FRMD4A: variants seen among roughly 807,000 people sequenced by gnomAD.
FRMD4A encodes the protein FERM domain containing 4A, also known as FERM domain-containing protein 4A.
A neutral mutation model predicts 129.1 loss-of-function variants in FRMD4A; 29 were observed. The observed-to-expected ratio is 0.22, with a 90% confidence interval of 0.17 to 0.31. The LOEUF (loss-of-function observed/expected upper bound fraction) is 0.31. FRMD4A is among the 10% of genes least tolerant of loss of function. The probability of loss-of-function intolerance (pLI) is 1.00; values close to 1 mark genes in which losing one functional copy is unlikely to be tolerated. For missense variants in FRMD4A, 1,272 were observed against 1,375.8 expected, an observed-to-expected ratio of 0.92 and a Z score of 1.19; for synonymous variants, 634 against 571.6, an observed-to-expected ratio of 1.11 and a Z score of -1.56.
intron 19 of FRMD4A, among the ~76,000 whole-genome samples, chr10:13,662,972 A>G (rs1362491048): frequency 6.6e-6 from 1 of 152,028 alleles, no homozygotes; most frequent in Non-Finnish European, 1.5e-5. Context: ...GCACTTTGGG[A>G]GGCCGAGGTG....
intron 2 of FRMD4A, among the ~76,000 whole-genome samples, chr10:14,186,238 C>A (rs1013234143): frequency 6.6e-6 from 1 of 152,108 alleles, no homozygotes; most frequent in African/African-American, 2.4e-5. Context: ...ATCAATATGA[C>A]CAACCAGAGC....
At chr10:14,039,368 G>GTCCGTCCATCCATCCATCCA (rs554051462) in intron 2 of FRMD4A, among the ~76,000 whole-genome samples, 2 of 109,440 alleles carry the variant, frequency 1.8e-5, no homozygotes, top group African/African-American at 4.5e-5. Flanking sequence ...CTGTCCGTCC[G>GTCCGTCCATCCATCCATCCA]TCCATCCATC....
chr10:13,985,074 C>CTGG (rs2095576162), intron 2 of FRMD4A, among the ~76,000 whole-genome samples: 1 of 152,234 alleles, frequency 6.6e-6, no homozygotes, highest in African/African-American at 2.4e-5. Flanking sequence ...ATGAGCCCTG[C>CTGG]TGGTGTGGGC....
chr10:14,012,761 G>A (rs545634002), intron 2 of FRMD4A, among the ~76,000 whole-genome samples: 3 of 152,216 alleles, frequency 2.0e-5, no homozygotes, highest in Non-Finnish European at 2.9e-5. Context: ...CTGATGAGCC[G>A]GCCTCAACTA....
chr10:13,884,208 TCACACACACACACACACA>T (rs747364370), intron 2 of FRMD4A, among the ~76,000 whole-genome samples: 2 of 81,700 alleles, frequency 2.4e-5, no homozygotes, highest in African/African-American at 4.8e-5. Flanking sequence ...ACACACACAC[TCACACACACACACACACA>T]CACACACACA....
chr10:13,975,230 T>C (rs1353643855), intron 2 of FRMD4A, among the ~76,000 whole-genome samples: 1 of 151,868 alleles, frequency 6.6e-6, no homozygotes. Flanking sequence ...TGTGTGTATG[T>C]GTGTGTGTGC....
intron 2 of FRMD4A, among the ~76,000 whole-genome samples, chr10:14,218,894 G>C (rs1307728516): frequency 7.4e-6 from 1 of 134,686 alleles, no homozygotes; most frequent in Non-Finnish European, 1.5e-5. Context: ...GCCAGAGGTT[G>C]CAGTGAGCCG....
chr10:13,655,996 G>A (rs1314198723), intron 22 of FRMD4A: 1 of 151,984 alleles, frequency 6.6e-6, no homozygotes, highest in Admixed American at 6.6e-5. Context: ...TCTTGAGTAT[G>A]AGAATATAAG....
intron 3 of FRMD4A, among the ~76,000 whole-genome samples, chr10:13,853,844 A>AAAAAAAAAAAAAAAAAAAAAAG (rs1554939982): frequency 6.8e-6 from 1 of 146,486 alleles, no homozygotes; most frequent in Non-Finnish European, 1.5e-5. Flanking sequence ...AAAAAAAAAA[A>AAAAAAAAAAAAAAAAAAAAAAG]AAAAAAAAAC....
chr10:13,935,446 CAAAAAAAAAAA>C (rs71388135), intron 2 of FRMD4A, among the ~76,000 whole-genome samples: 6 of 36,422 alleles, frequency 1.6e-4, no homozygotes, highest in African/African-American at 4.7e-4. Context: ...AACTCCATCT[CAAAAAAAAAAA>C]AAAAAAAAAA....
chr10:14,096,204 G>A (rs1167781269), intron 2 of FRMD4A, among the ~76,000 whole-genome samples: 1 of 152,140 alleles, frequency 6.6e-6, no homozygotes, highest in Non-Finnish European at 1.5e-5. Context: ...AAAACAGGCT[G>A]GAGGGAACCT....
At chr10:14,021,715 G>C (rs1588797362) in intron 2 of FRMD4A, among the ~76,000 whole-genome samples, 1 of 152,126 alleles carries the variant, frequency 6.6e-6, no homozygotes, top group South Asian at 2.1e-4. Flanking sequence ...TCTGGGTGGT[G>C]GTTACACAGG....
At chr10:14,200,421 G>C (rs1842602125) in intron 2 of FRMD4A, among the ~76,000 whole-genome samples, 1 of 138,964 alleles carries the variant, frequency 7.2e-6, no homozygotes, top group Admixed American at 6.8e-5. Flanking sequence ...TGTCTCCAGA[G>C]TAGCTGGGAC....
At chr10:13,907,322 A>G (rs879102206) in intron 2 of FRMD4A, among the ~76,000 whole-genome samples, 1 of 152,164 alleles carries the variant, frequency 6.6e-6, no homozygotes, top group Admixed American at 6.5e-5. Context: ...GGTGATGTGC[A>G]TATTATGTAC....
chr10:13,915,443 C>G (rs1242916208), intron 2 of FRMD4A, among the ~76,000 whole-genome samples: 2 of 151,774 alleles, frequency 1.3e-5, no homozygotes, highest in African/African-American at 4.8e-5. Context: ...GAGGCTGAGG[C>G]GGGCGGATCA....
At position 14,015,078 on chromosome 10, in the gene FRMD4A, C is replaced by T. The variant is rs1314128386; in HGVS notation, c.46-156166G>A. Among the ~76,000 whole-genome samples the T allele has an allele frequency of 2.2e-5, 3 of 133,786 alleles. No homozygotes were observed. In the South Asian group the frequency reaches 8.1e-4, roughly 36 times the overall value. 87.8% of individuals were successfully genotyped at this position (133,786 alleles called of 152,430 possible). On this transcript the variant is annotated intron_variant, in intron 2 of 24. Coordinates refer to ENST00000357447, the MANE Select transcript of FRMD4A (RefSeq NM_018027.5). ...TTCCTTTTCTTCTGTCCTTCCTTCT[C>T]TCTCTCTCTTTCCCTCCCTCCCACC... is the stretch of plus-strand genomic sequence containing the variant.
intron 2 of FRMD4A, among the ~76,000 whole-genome samples, chr10:13,910,739 A>T (rs537162912): frequency 6.6e-6 from 1 of 152,216 alleles, no homozygotes; most frequent in Non-Finnish European, 1.5e-5. Flanking sequence ...TATTGAGCAC[A>T]ATATCAACTG....
chr10:14,328,626 A>ATGTGTGTG (rs58681647), intron 2 of FRMD4A, among the ~76,000 whole-genome samples: 1,969 of 142,550 alleles, frequency 0.014, 52 homozygotes, highest in African/African-American at 0.048. Flanking sequence ...ATACATATGC[A>ATGTGTGTG]TGTGTGTGTG....
chr10:14,196,174 C>T (rs113595056), intron 2 of FRMD4A, among the ~76,000 whole-genome samples: 1 of 145,142 alleles, frequency 6.9e-6, no homozygotes, highest in Non-Finnish European at 1.5e-5. Context: ...TACACACACA[C>T]ACACACACAC....
Sources: allele counts gnomAD v4.1 joint callset (sites outside exome capture counted in the v4.1 genomes callset), GRCh38; gene constraint gnomAD v4.1.1; transcripts MANE v1.5; gene names NCBI Gene and HGNC (gene_info 2026-07-23, HGNC 2026-07-21).